Variants in PCDH11Y observed in about 807,000 individuals in gnomAD.
PCDH11Y encodes protocadherin 11 Y-linked.
For synonymous variants in PCDH11Y, 9 were observed against 83.6 expected, an observed-to-expected ratio of 0.11 and a Z score of 4.87; for missense variants, 12 against 224.8, an observed-to-expected ratio of 0.05 and a Z score of 6.05.
At chrY:5,520,502 C>T in intron 3 of PCDH11Y, among the ~76,000 whole-genome samples, 1 of 32,397 alleles carries the variant, frequency 3.1e-5, no homozygotes, top group South Asian at 6.8e-4. Flanking sequence ...TTTGTATGAA[C>T]ATTTCACAGA....
intron 2 of PCDH11Y, among the ~76,000 whole-genome samples, chrY:5,480,018 G>A: frequency 3.1e-5 from 1 of 32,486 alleles, no homozygotes; most frequent in African/African-American, 1.2e-4. Flanking sequence ...CCTACCTTCC[G>A]AAACCTACTT....
At chrY:5,289,352 C>T in intron 2 of PCDH11Y, among the ~76,000 whole-genome samples, 3 of 33,379 alleles carry the variant, frequency 9.0e-5, no homozygotes, top group Non-Finnish European at 7.4e-5. Context: ...TTTTTCTCCC[C>T]GGGAGAGGCA....
intron 1 of PCDH11Y, among the ~76,000 whole-genome samples, chrY:5,093,170 C>G (rs1602861282): frequency 3.0e-5 from 1 of 33,483 alleles, no homozygotes; most frequent in East Asian, 7.7e-4. Context: ...TCAACTTTCT[C>G]TTTTTTGATT....
chrY:5,017,717 T>C, intron 1 of PCDH11Y, among the ~76,000 whole-genome samples: 2 of 33,473 alleles, frequency 6.0e-5, no homozygotes, highest in East Asian at 1.6e-3. Context: ...TCATTATATA[T>C]GTAGTTGGTA....
At chrY:5,739,248 A>G (rs2053614442) in exon 5 of PCDH11Y, 1 of 32,981 alleles carries the variant, frequency 3.0e-5, no homozygotes. Flanking sequence ...TATGAAATAA[A>G]ATATATTCTT....
chrY:5,206,123 T>C (rs2052932156), intron 2 of PCDH11Y, among the ~76,000 whole-genome samples: 1 of 33,470 alleles, frequency 3.0e-5, no homozygotes, highest in African/African-American at 1.2e-4. Flanking sequence ...TTTCTGGATC[T>C]ACCACTTAAC....
intron 2 of PCDH11Y, among the ~76,000 whole-genome samples, chrY:5,389,664 G>A: frequency 9.7e-5 from 3 of 30,843 alleles, no homozygotes; most frequent in Non-Finnish European, 2.3e-4. Context: ...TTCCTGCACT[G>A]TTCTTGTGAT....
intron 3 of PCDH11Y, among the ~76,000 whole-genome samples, chrY:5,043,200 G>T (rs2052618546): frequency 3.0e-5 from 1 of 32,935 alleles, no homozygotes; most frequent in Non-Finnish European, 7.4e-5. Context: ...GTTTTCAAAG[G>T]GAATGCTTCC....
intron 2 of PCDH11Y, among the ~76,000 whole-genome samples, chrY:5,460,696 A>G: frequency 3.0e-5 from 1 of 33,575 alleles, no homozygotes; most frequent in Non-Finnish European, 7.5e-5. Context: ...GACACGTGGA[A>G]TTATACTTTT....
chrY:5,513,819 C>A, intron 3 of PCDH11Y, among the ~76,000 whole-genome samples: 1 of 32,997 alleles, frequency 3.0e-5, no homozygotes, highest in African/African-American at 1.2e-4. Context: ...AGAAAAGAAA[C>A]GTCCTGTTGT....
intron 2 of PCDH11Y, among the ~76,000 whole-genome samples, chrY:5,497,243 C>G (rs2053345973): frequency 3.0e-5 from 1 of 33,383 alleles, no homozygotes. Flanking sequence ...AATGGTTGAA[C>G]TAATTTACAC....
At chrY:5,620,340 A>G in intron 4 of PCDH11Y, among the ~76,000 whole-genome samples, 1 of 28,326 alleles carries the variant, frequency 3.5e-5, no homozygotes. Context: ...CACTCTCCCA[A>G]GACTGAAAGG....
At chrY:5,378,075 T>C (rs2053200213) in intron 2 of PCDH11Y, among the ~76,000 whole-genome samples, 1 of 31,902 alleles carries the variant, frequency 3.1e-5, no homozygotes. Flanking sequence ...CTTAGTTAAA[T>C]TTTTTTTGAA....
At chrY:5,241,705 T>C (rs2052988425) in intron 2 of PCDH11Y, among the ~76,000 whole-genome samples, 2 of 26,430 alleles carry the variant, frequency 7.6e-5, no homozygotes, top group African/African-American at 3.0e-4. Flanking sequence ...CAAATAATTA[T>C]AATAGTAACA....
At chrY:5,513,093 T>C (rs2053367838) in intron 3 of PCDH11Y, among the ~76,000 whole-genome samples, 1 of 32,193 alleles carries the variant, frequency 3.1e-5, no homozygotes, top group African/African-American at 1.2e-4. Context: ...TGCAGTGGCG[T>C]GATCTCGGCT....
At chrY:5,472,645 G>T (rs2053315170) in intron 2 of PCDH11Y, among the ~76,000 whole-genome samples, 1 of 32,518 alleles carries the variant, frequency 3.1e-5, no homozygotes, top group Non-Finnish European at 7.6e-5. Flanking sequence ...AATTAAACCA[G>T]TTTTTTTCAC....
chrY:5,211,811 T>A (rs2052938954), intron 2 of PCDH11Y, among the ~76,000 whole-genome samples: 1 of 32,008 alleles, frequency 3.1e-5, no homozygotes, highest in Non-Finnish European at 7.6e-5. Context: ...CCAGCTAATT[T>A]TTGTATTTTT....
intron 3 of PCDH11Y, among the ~76,000 whole-genome samples, chrY:5,560,767 G>T: frequency 3.0e-5 from 1 of 33,723 alleles, no homozygotes; most frequent in African/African-American, 1.2e-4. Flanking sequence ...TGCTGCAGGG[G>T]CAGGGCCCTC....
intron 2 of PCDH11Y, among the ~76,000 whole-genome samples, chrY:5,386,232 C>G (rs2053215393): frequency 3.0e-5 from 1 of 33,486 alleles, no homozygotes; most frequent in African/African-American, 1.2e-4. Flanking sequence ...GGCTGTTAAT[C>G]TGATATGTTT....
Sources: allele counts gnomAD v4.1 joint callset (sites outside exome capture counted in the v4.1 genomes callset), GRCh38; gene constraint gnomAD v4.1.1; transcripts MANE v1.5; gene names NCBI Gene and HGNC (gene_info 2026-07-23, HGNC 2026-07-21).